Variants in KCNN2 observed in about 807,000 individuals in gnomAD.
The protein encoded by KCNN2 is potassium calcium-activated channel subfamily N member 2.
In KCNN2, 24 loss-of-function variants were observed where a neutral mutation model predicts 55.5. That is an observed-to-expected ratio of 0.43 (90% CI 0.31 to 0.61). The LOEUF (loss-of-function observed/expected upper bound fraction) is 0.61, where lower values mean the gene tolerates loss of function less well. KCNN2 is among the 20% of genes least tolerant of loss of function. The pLI is 0.08. For synonymous variants in KCNN2, 431 were observed against 336.1 expected, an observed-to-expected ratio of 1.28 and a Z score of -3.09; for missense variants, 754 against 853.6, an observed-to-expected ratio of 0.88 and a Z score of 1.45.
intron 1 of KCNN2, among the ~76,000 whole-genome samples, chr5:114,081,445 C>A (rs962056540): frequency 6.6e-6 from 1 of 152,060 alleles, no homozygotes. Flanking sequence ...ACATACAGAC[C>A]AATGGAATAG....
chr5:114,235,949 C>T (rs1754482286), intron 2 of KCNN2, among the ~76,000 whole-genome samples: 1 of 152,116 alleles, frequency 6.6e-6, no homozygotes, highest in Non-Finnish European at 1.5e-5. Flanking sequence ...TATAAGTGTG[C>T]TGTGCTAGTA....
intron 2 of KCNN2, among the ~76,000 whole-genome samples, chr5:114,396,656 C>T (rs935317223): frequency 1.3e-5 from 2 of 151,364 alleles, no homozygotes; most frequent in Admixed American, 6.6e-5. Context: ...TCAGGTGATT[C>T]TCCTGCCTCA....
intron 2 of KCNN2, among the ~76,000 whole-genome samples, chr5:114,291,420 A>G (rs1002322772): frequency 6.6e-6 from 1 of 151,378 alleles, no homozygotes; most frequent in South Asian, 2.1e-4. Context: ...ATTTCCACCT[A>G]TGAGTGAGAA....
chr5:114,330,113 A>G (rs1008769947), intron 2 of KCNN2, among the ~76,000 whole-genome samples: 16 of 152,170 alleles, frequency 1.1e-4, no homozygotes, highest in Non-Finnish European at 1.8e-4. Flanking sequence ...CATACTACTC[A>G]TTCTCCTGTT....
chr5:114,063,494 A>G (rs1481079310), intron 1 of KCNN2, among the ~76,000 whole-genome samples: 1 of 152,112 alleles, frequency 6.6e-6, no homozygotes, highest in African/African-American at 2.4e-5. Context: ...TGTCTAGAGA[A>G]CCACCCCCCC....
At chr5:114,241,446 T>A (rs980996954) in intron 2 of KCNN2, among the ~76,000 whole-genome samples, 1 of 151,662 alleles carries the variant, frequency 6.6e-6, no homozygotes, top group Non-Finnish European at 1.5e-5. Context: ...TTCAGGAGAA[T>A]CTAAATAAAT....
chr5:114,458,285 A>C (rs957712507), intron 3 of KCNN2, among the ~76,000 whole-genome samples: 1 of 152,214 alleles, frequency 6.6e-6, no homozygotes, highest in African/African-American at 2.4e-5. Context: ...GGTAAATTTA[A>C]TAGAAAAGGA....
intron 1 of KCNN2, among the ~76,000 whole-genome samples, chr5:114,191,667 T>G (rs1324268116): frequency 6.6e-6 from 1 of 152,146 alleles, no homozygotes; most frequent in Non-Finnish European, 1.5e-5. Context: ...AGCTACAAGG[T>G]AAACCACACT....
chr5:114,194,587 T>C (rs1450623300), intron 1 of KCNN2, among the ~76,000 whole-genome samples: 1 of 152,094 alleles, frequency 6.6e-6, no homozygotes, highest in East Asian at 1.9e-4. Context: ...TTGTTACGTA[T>C]TCTGAATGTA....
chr5:114,189,556 A>G (rs1444879503), intron 1 of KCNN2, among the ~76,000 whole-genome samples: 2 of 152,200 alleles, frequency 1.3e-5, no homozygotes, highest in Non-Finnish European at 2.9e-5. Flanking sequence ...CTGTTGTCCA[A>G]TCAAATTAAC....
chr5:114,283,137 T>G (rs1755657535), intron 2 of KCNN2, among the ~76,000 whole-genome samples: 2 of 152,204 alleles, frequency 1.3e-5, no homozygotes, highest in Non-Finnish European at 2.9e-5. Context: ...ACATTGCTTC[T>G]GCCTCATTTT....
chr5:114,080,457 A>G (rs1307038415), intron 1 of KCNN2, among the ~76,000 whole-genome samples: 1 of 152,144 alleles, frequency 6.6e-6, no homozygotes, highest in African/African-American at 2.4e-5. Context: ...TTATTTATAC[A>G]TTTAATTTAT....
intron 1 of KCNN2, among the ~76,000 whole-genome samples, chr5:114,189,004 G>A (rs565126118): frequency 2.2e-4 from 34 of 152,178 alleles, no homozygotes; most frequent in South Asian, 4.2e-4. Context: ...TTAAGGCAAG[G>A]AAAAACTTGC....
chr5:114,451,514 C>T (rs1314293504), intron 3 of KCNN2, among the ~76,000 whole-genome samples: 1 of 152,018 alleles, frequency 6.6e-6, no homozygotes, highest in East Asian at 1.9e-4. Flanking sequence ...GGAAGACATT[C>T]CAAATGTGCA....
chr5:114,340,358 T>A (rs1756994139), intron 2 of KCNN2, among the ~76,000 whole-genome samples: 1 of 152,102 alleles, frequency 6.6e-6, no homozygotes, highest in Non-Finnish European at 1.5e-5. Flanking sequence ...AGCCCACTGA[T>A]TATGTGCCAA....
rs537662646 is a variant in KCNN2, at chr5:114,476,301, T to TA, written c.1890+3143dup. On this transcript the variant is annotated intron_variant, in intron 5 of 7. Coordinates refer to ENST00000673685, the MANE Select transcript of KCNN2 (RefSeq NM_021614.4). ...TACACCATGGAATACTATGCAGCCA[T>TA]AAAAAATGATGAGTTCATTACTACT... Among the ~76,000 whole-genome samples, 25 of 151,442 alleles carry TA rather than the reference T, an allele frequency of 1.7e-4. No individual in the cohort carries two copies. In the South Asian group the frequency reaches 4.6e-3, roughly 28 times the overall value.
intron 1 of KCNN2, among the ~76,000 whole-genome samples, chr5:114,219,004 G>GA (rs751859191): frequency 1.2e-4 from 19 of 152,174 alleles, no homozygotes; most frequent in Middle Eastern, 3.2e-3. Flanking sequence ...GAACTGGCAG[G>GA]AACAAACTCC....
At chr5:114,147,820 G>A (rs1752429995) in intron 1 of KCNN2, among the ~76,000 whole-genome samples, 1 of 152,126 alleles carries the variant, frequency 6.6e-6, no homozygotes, top group Non-Finnish European at 1.5e-5. Flanking sequence ...GGGCTTAATG[G>A]CGCGAGCTTC....
chr5:114,465,511 C>G (rs1447408703), intron 4 of KCNN2, among the ~76,000 whole-genome samples: 1 of 151,916 alleles, frequency 6.6e-6, no homozygotes, highest in South Asian at 2.1e-4. Flanking sequence ...ATTCAGGAGG[C>G]TGAGGCAGGA....
Sources: allele counts gnomAD v4.1 joint callset (sites outside exome capture counted in the v4.1 genomes callset), GRCh38; gene constraint gnomAD v4.1.1; transcripts MANE v1.5; gene names NCBI Gene and HGNC (gene_info 2026-07-23, HGNC 2026-07-21).